The following ARFGEF1 variants were observed in gnomAD, a reference collection of about 807,000 sequenced individuals.
The protein encoded by ARFGEF1 is brefeldin A-inhibited guanine nucleotide-exchange protein 1.
ARFGEF1 carries 42 observed loss-of-function variants against 231.0 expected under a neutral mutation model. The ratio of observed to expected loss-of-function variants is 0.18; its 90% CI spans 0.14 to 0.24. ARFGEF1 has a LOEUF of 0.24. Among genes scored for constraint, ARFGEF1 ranks in the 10% least tolerant of loss-of-function variants. The pLI is 1.00. For synonymous variants in ARFGEF1, 710 were observed against 732.3 expected, an observed-to-expected ratio of 0.97 and a Z score of 0.49; for missense variants, 1,345 against 2,192.0, an observed-to-expected ratio of 0.61 and a Z score of 7.72.
In ARFGEF1 at chr8:67,275,993, A is replaced by C; in HGVS notation, c.1320T>G (p.Asp440Glu). 1 of 1,613,382 alleles carries C rather than the reference A, an allele frequency of 6.2e-7. No homozygotes were observed. The highest frequency in any genetic ancestry group is 8.5e-7 in the Non-Finnish European group (1 of 1,179,496). ...TAACTTACTTTGGATCTGGTGGTCC[A>C]TCTGACAGTGGTTTCATTGACAGTT... Reference protein sequence around the residue: ...LCKLSMKPLSDGPPDPKSHEL... With the variant: ...LCKLSMKPLSEGPPDPKSHEL... Residue 440 changes from aspartate to glutamate, a missense_variant, in exon 9 of 39, where the codon GAT becomes GAG. Asp to Glu is a conservative substitution (Grantham distance 45). Transcript: ENST00000262215.
Position 67,218,114 on chromosome 8 carries a change from A to C in ARFGEF1, c.4363T>G (p.Cys1455Gly). ...TEKAEWMTTTCNHALYAICDV... is the reference protein window; with the variant it reads ...TEKAEWMTTTGNHALYAICDV... ...CAGATTGCATAAAGTGCATGATTGC[A>C]AGTTGTTGTCATCCATTCAGCTTTC... The change falls in exon 31 of 39, where the codon TGC becomes GGC. Residue 1455 changes from cysteine to glycine, a missense_variant. This residue lies in a region of ARFGEF1 where 18 missense variants were observed against 63.5 expected (regional missense o/e 0.28). Coordinates refer to ENST00000262215, the MANE Select transcript of ARFGEF1 (RefSeq NM_006421.5). 1 of 1,521,434 alleles carries C rather than the reference A, an allele frequency of 6.6e-7. No homozygotes were observed. The highest frequency in any genetic ancestry group is 8.8e-7 in the Non-Finnish European group (1 of 1,131,004). 94.2% of individuals were successfully genotyped at this position (1,521,434 alleles called of 1,614,324 possible).
Position 67,238,373 on chromosome 8 carries a change from C to G in ARFGEF1, c.3259G>C (p.Ala1087Pro), listed in dbSNP as rs754572236. 8.7e-6 allele frequency: 14 copies of G among 1,610,454 alleles called. No homozygotes were observed. Among genetic ancestry groups the G allele is most frequent in the Middle Eastern group, 1.6e-4 (1 of 6,062 alleles). ...CCTAAACCCACAAATTCATCAGGAG[C>G]CTGATCTTTTGTTCCAGTAAGAGAT... ...EGSLTGTKDQ[A>P]PDEFVGLGLV... The change falls in exon 22 of 39, where the codon GCT becomes CCT. Residue 1087 changes from alanine (A) to proline (P), a missense_variant. Transcript: ENST00000262215.
chr8:67,224,812 C>A (rs1234858861), intron 29 of ARFGEF1, 91 bp downstream of exon 29: 2 of 888,458 alleles, frequency 2.3e-6, no homozygotes, highest in Admixed American at 3.4e-5. Flanking sequence ...ATTTTATGGT[C>A]TTTAACTGTG....
chr8:67,228,317 C>T (rs751578231), intron 23 of ARFGEF1, 53 bp from the exon 24 acceptor site: 39 of 1,530,612 alleles, frequency 2.5e-5, no homozygotes, highest in Non-Finnish European at 3.3e-5. Context: ...GTTCTTATTC[C>T]AATTGAAAAG....
chr8:67,226,655 T>C (rs1437214547), intron 27 of ARFGEF1, among the ~76,000 whole-genome samples: 2 of 152,124 alleles, frequency 1.3e-5, no homozygotes, highest in Non-Finnish European at 2.9e-5. Context: ...ATCATTGTCA[T>C]CTTCCATATA....
At chr8:67,250,941 T>TA (rs1241299557) in intron 19 of ARFGEF1, among the ~76,000 whole-genome samples, 1 of 152,188 alleles carries the variant, frequency 6.6e-6, no homozygotes, top group Non-Finnish European at 1.5e-5. Flanking sequence ...CCAAAACACT[T>TA]AAAGAAAACA....
At chr8:67,343,092 C>A in intron 1 of ARFGEF1, 72 bp downstream of exon 1, 3 of 611,432 alleles carry the variant, frequency 4.9e-6, no homozygotes, top group South Asian at 2.0e-5. Context: ...CGGGCGACCC[C>A]ACCCCCCCAC....
At chr8:67,206,372 T>A (rs918726672) in intron 34 of ARFGEF1, among the ~76,000 whole-genome samples, 1 of 141,606 alleles carries the variant, frequency 7.1e-6, no homozygotes, top group African/African-American at 2.7e-5. Context: ...ATGACACCAC[T>A]GCACTCCAGC....
chr8:67,219,610 TCTC>T (rs1479504969), intron 29 of ARFGEF1, 50 bp from the exon 30 acceptor site: 2 of 1,526,024 alleles, frequency 1.3e-6, no homozygotes, highest in African/African-American at 2.8e-5. Flanking sequence ...AAAGCATACT[TCTC>T]CTAAAATAGT....
chr8:67,341,006 T>G (rs900176930), intron 1 of ARFGEF1, among the ~76,000 whole-genome samples: 1 of 152,188 alleles, frequency 6.6e-6, no homozygotes, highest in East Asian at 1.9e-4. Context: ...ATCACATTTA[T>G]GGCACATTAG....
intron 9 of ARFGEF1, 79 bp downstream of exon 9, chr8:67,275,897 G>A: frequency 1.3e-6 from 2 of 1,548,594 alleles, no homozygotes; most frequent in Non-Finnish European, 1.7e-6. Flanking sequence ...AAGAACAAAA[G>A]AAAATCCAAA....
At chr8:67,258,818 T>TACACACAC (rs10576509) in intron 15 of ARFGEF1, among the ~76,000 whole-genome samples, 1,432 of 143,022 alleles carry the variant, frequency 0.01, 25 homozygotes, top group African/African-American at 0.027. Flanking sequence ...AAGCAGATTT[T>TACACACAC]ACACACACAC....
At chr8:67,253,094 C>T (rs1840349062) in intron 18 of ARFGEF1, among the ~76,000 whole-genome samples, 1 of 152,112 alleles carries the variant, frequency 6.6e-6, no homozygotes, top group Non-Finnish European at 1.5e-5. Flanking sequence ...AATCACTGGT[C>T]AGTGTTATCT....
rs190444003 is a variant in ARFGEF1, at chr8:67,277,111, C to T, written c.1203+171G>A. Among the ~76,000 whole-genome samples, 4 of 152,026 alleles carry T rather than the reference C, an allele frequency of 2.6e-5. No homozygotes were observed. In the East Asian group the frequency reaches 7.7e-4, roughly 29 times the overall value. ...TATCAAAATATGAAGGGGAAAAAAT[C>T]GCTGTAATTTATATAAATGAAGGAA... On this transcript the variant is annotated intron_variant, in intron 8 of 38. Coordinates refer to ENST00000262215, the MANE Select transcript of ARFGEF1 (RefSeq NM_006421.5).
At chr8:67,318,907 T>C (rs545207903) in intron 1 of ARFGEF1, among the ~76,000 whole-genome samples, 6 of 152,280 alleles carry the variant, frequency 3.9e-5, no homozygotes, top group South Asian at 2.1e-4. Context: ...CACAAGGTGA[T>C]AGCTGCAGTG....
intron 34 of ARFGEF1, among the ~76,000 whole-genome samples, chr8:67,209,015 T>C (rs181821703): frequency 6.6e-6 from 1 of 152,342 alleles, no homozygotes; most frequent in Admixed American, 6.5e-5. Context: ...CCACTGGCTA[T>C]AGAAAATTGC....
chr8:67,195,795 GATT>G (rs534825175), downstream of ARFGEF1: 562 of 535,580 alleles, frequency 1.0e-3, 9 homozygotes, highest in East Asian at 0.016. Flanking sequence ...GAATTGTATA[GATT>G]ATTTTTGCAC....
At chr8:67,264,213 G>C (rs1187909014) in intron 14 of ARFGEF1, among the ~76,000 whole-genome samples, 1 of 151,996 alleles carries the variant, frequency 6.6e-6, no homozygotes, top group East Asian at 1.9e-4. Context: ...CAAAGAAAAA[G>C]GTAAGCCAAT....
intron 22 of ARFGEF1, among the ~76,000 whole-genome samples, chr8:67,237,954 A>C (rs1292010596): frequency 6.6e-6 from 1 of 152,138 alleles, no homozygotes; most frequent in Non-Finnish European, 1.5e-5. Context: ...CCATGGGGAG[A>C]GGTTTCATAC....
Sources: gnomAD v4.1 joint callset for allele counts (sites outside exome capture counted in the v4.1 genomes callset) on GRCh38, gnomAD v4.1.1 for gene constraint, gnomAD v4.1.1 regional missense constraint, MANE v1.5 for transcripts, NCBI Gene and HGNC (gene_info 2026-07-23, HGNC 2026-07-21) for gene names.